IQCN: variants seen among roughly 807,000 people sequenced by gnomAD.
IQCN encodes the protein IQ domain-containing protein N.
IQCN carries 46 observed loss-of-function variants against 64.4 expected under a neutral mutation model. That is an observed-to-expected ratio of 0.71 (90% CI 0.56 to 0.91). The LOEUF is 0.91. IQCN is among the 40% of genes least tolerant of loss of function. IQCN has a pLI of 0.00. For missense variants in IQCN, 1,753 were observed against 1,857.4 expected, an observed-to-expected ratio of 0.94 and a Z score of 1.03; for synonymous variants, 733 against 775.6, an observed-to-expected ratio of 0.95 and a Z score of 0.91.
At chr19:18,271,195 C>A (rs928206394) in intron 1 of IQCN, among the ~76,000 whole-genome samples, 4 of 143,970 alleles carry the variant, frequency 2.8e-5, no homozygotes, top group African/African-American at 7.8e-5. Context: ...AAAAACCAGG[C>A]GCAGTGGCTC....
chr19:18,264,537 G>C lies in IQCN; in HGVS notation c.3003C>G (p.Ser1001Arg), dbSNP rs1056982664. The C allele has an allele frequency of 5.8e-6, 9 of 1,551,272 alleles. No homozygotes were observed. The highest frequency in any genetic ancestry group is 3.9e-5 in the Admixed American group (2 of 50,984). ...LCQGELGALL[S>R]QSWCRVALRT... is the part of the protein sequence containing the mutation. ...TCAGGGCCACCCGACACCAAGACTGGCTCAGGAGAGCACCCAGCTCACCCT... is the reference window on the plus strand; with the variant it reads ...TCAGGGCCACCCGACACCAAGACTGCCTCAGGAGAGCACCCAGCTCACCCT... Residue 1001 changes from serine to arginine, a missense_variant, in exon 3 of 4, where the codon AGC (serine) becomes AGG (arginine). Coordinates refer to ENST00000392413, the MANE Select transcript of IQCN (RefSeq NM_001145304.2). The surrounding 1 kb of genome is among the most constrained non-coding windows in gnomAD (Gnocchi z 4.3).
chr19:18,267,538 G>A lies in IQCN; in HGVS notation c.14-12C>T. On this transcript the variant is annotated splice_polypyrimidine_tract_variant and intron_variant, in intron 2 of 3. Transcript: ENST00000392413. ...CAGGTCAGCTCTGCCTGTGGGGGCGGCAGGGGGTGGTCAGGGTGTAGCAGG... is the reference window on the plus strand; with the variant it reads ...CAGGTCAGCTCTGCCTGTGGGGGCGACAGGGGGTGGTCAGGGTGTAGCAGG... 6.6e-7 allele frequency: 1 copy of A among 1,512,612 alleles called. No individual in the cohort carries two copies. The highest frequency in any genetic ancestry group is 2.3e-5 in the East Asian group (1 of 43,910). The allele number at this position is 1,512,612 out of a possible 1,614,324, so 93.7% of individuals were successfully genotyped here.
chr19:18,261,713 T>G (rs1339007395), intron 3 of IQCN: 1 of 155,380 alleles, frequency 6.4e-6, no homozygotes, highest in African/African-American at 2.4e-5. Flanking sequence ...TGACCACAGA[T>G]GGGTAGGCTG....
chr19:18,259,885 A>G (rs1482739482), intron 3 of IQCN: 2 of 152,394 alleles, frequency 1.3e-5, no homozygotes, highest in East Asian at 3.9e-4. Flanking sequence ...CCTGCCTCTA[A>G]GACCTGGGAT....
At chr19:18,268,551 G>A (rs1186523006) in intron 2 of IQCN, among the ~76,000 whole-genome samples, 3 of 152,100 alleles carry the variant, frequency 2.0e-5, no homozygotes, top group South Asian at 4.1e-4. Context: ...AAATTGGCCC[G>A]GCACGGTGGC....
chr19:18,267,602 G>A, intron 2 of IQCN, 76 bp from the exon 3 acceptor site: 3 of 1,447,482 alleles, frequency 2.1e-6, no homozygotes, highest in Non-Finnish European at 1.8e-6. Flanking sequence ...GGTGGACACT[G>A]GCCCCCCAGG....
At chr19:18,270,050 T>TTAAAAA (rs1969701129) in intron 1 of IQCN, among the ~76,000 whole-genome samples, 1 of 60,238 alleles carries the variant, frequency 1.7e-5, no homozygotes, top group East Asian at 7.0e-4. Flanking sequence ...GAACTGTCTC[T>TTAAAAA]TAAAAAAAAA....
chr19:18,264,868 T>A lies in IQCN; in HGVS notation c.2672A>T (p.Gln891Leu). The change falls in exon 3 of 4, where the codon CAG becomes CTG. Residue 891 changes from glutamine to leucine, a missense_variant. Transcript: ENST00000392413. The surrounding 1 kb of genome is among the most constrained non-coding windows in gnomAD (Gnocchi z 4.3). ...CAEVAGVLAS[Q>L]EDLRTLLAKA... ...GGCCAACAGAGTGCGGAGATCCTCCTGGGATGCCAGCACACCAGCTACTTC... is the reference window on the plus strand; with the variant it reads ...GGCCAACAGAGTGCGGAGATCCTCCAGGGATGCCAGCACACCAGCTACTTC... The A allele has an allele frequency of 6.2e-7, 1 of 1,610,268 alleles. No individual in the cohort carries two copies. The highest frequency in any genetic ancestry group is 1.1e-5 in the South Asian group (1 of 90,482).
chr19:18,269,235 T>C (rs2148110594), intron 2 of IQCN, among the ~76,000 whole-genome samples: 2 of 144,678 alleles, frequency 1.4e-5, no homozygotes, highest in South Asian at 4.7e-4. Context: ...GATGGGTGGA[T>C]GGGTGGGTGG....
chr19:18,264,852 A>G lies in IQCN; in HGVS notation c.2688T>C (p.Thr896=). 6.3e-7 allele frequency: 1 copy of G among 1,599,974 alleles called. No individual in the cohort carries two copies. The highest frequency in any genetic ancestry group is 8.5e-7 in the Non-Finnish European group (1 of 1,173,680). Residue 896 remains threonine, a synonymous_variant, in exon 3 of 4, where the codon ACT becomes ACC. Coordinates refer to ENST00000392413, the MANE Select transcript of IQCN (RefSeq NM_001145304.2). This position sits in a 1 kb window ranked among gnomAD's most constrained non-coding sequence, Gnocchi z 4.3. ...GVLASQEDLR[T]LLAKALSQGE... The stretch of plus-strand genomic sequence containing the variant: ...CCTGGGAGAGGGCTTTGGCCAACAG[A>G]GTGCGGAGATCCTCCTGGGATGCCA...
At position 18,265,415 on chromosome 19, in the gene IQCN, G is replaced by A; in HGVS notation, c.2125C>T (p.Leu709=). ...TGCATCTTGCTCAGACAGGTGTCCA[G>A]ATGGGCCAGGGATGGGGTCTTGGTC... The part of the protein sequence containing the change: ...ELTKTPSLAH[L]DTCLSKMHSQ... The change falls in exon 3 of 4, where the codon CTG becomes TTG. Residue 709 remains leucine (L), a synonymous_variant. Transcript: ENST00000392413. This position sits in a 1 kb window ranked among gnomAD's most constrained non-coding sequence, Gnocchi z 4.7. 6.2e-7 allele frequency: 1 copy of A among 1,614,222 alleles called. No homozygotes were observed. Among genetic ancestry groups the A allele is most frequent in the East Asian group, 2.2e-5 (1 of 44,886 alleles).
Position 18,265,334 on chromosome 19 carries a change from C to A in IQCN, c.2206G>T (p.Ala736Ser). The change falls in exon 3 of 4, where the codon GCC becomes TCC. Residue 736 changes from alanine to serine, a missense_variant. Physicochemically the swap from Ala to Ser is moderately conservative, Grantham distance 99. Coordinates refer to ENST00000392413, the MANE Select transcript of IQCN (RefSeq NM_001145304.2). The surrounding 1 kb of genome is among the most constrained non-coding windows in gnomAD (Gnocchi z 4.7). ...GACTGCGTCTTGGTCAGACAGGTGG[C>A]TAGAGGCGCTTGGGACTGGACCTTC... ...AVKVQSQAPL[A>S]TCLTKTQSRG... 6.2e-7 allele frequency: 1 copy of A among 1,614,128 alleles called. No homozygotes were observed. Among genetic ancestry groups the A allele is most frequent in the Non-Finnish European group, 8.5e-7 (1 of 1,180,024 alleles).
At chr19:18,262,153 G>A (rs568839998) in intron 3 of IQCN, 1 of 152,906 alleles carries the variant, frequency 6.5e-6, no homozygotes. Context: ...AGGTAGCCTG[G>A]GTTTGGGGAC....
At position 18,257,920 on chromosome 19, in the gene IQCN, C is replaced by T; in HGVS notation, c.3364G>A (p.Ala1122Thr). 1 of 1,612,852 alleles carries T rather than the reference C, an allele frequency of 6.2e-7. No individual in the cohort carries two copies. Among genetic ancestry groups the T allele is most frequent in the Non-Finnish European group, 8.5e-7 (1 of 1,179,936 alleles). ...CGCGCCAGGTAGCCACGGACGCCCGCCTGGATAGTGATCACTGCGAGGATG... is the reference window on the plus strand; with the variant it reads ...CGCGCCAGGTAGCCACGGACGCCCGTCTGGATAGTGATCACTGCGAGGATG... The part of the protein sequence containing the change: ...IRILAVITIQ[A>T]GVRGYLARRR... The change falls in exon 4 of 4, where the codon GCG becomes ACG. Residue 1122 changes from alanine to threonine, a missense_variant. Physicochemically the swap from Ala to Thr is moderately conservative, Grantham distance 58. Coordinates refer to ENST00000392413, the MANE Select transcript of IQCN (RefSeq NM_001145304.2).
chr19:18,258,714 G>A, intron 3 of IQCN: 1 of 321,808 alleles, frequency 3.1e-6, no homozygotes, highest in Non-Finnish European at 6.1e-6. Context: ...ACTGCCACGG[G>A]CCAGCTGGGG....
intron 3 of IQCN, chr19:18,261,717 T>G (rs1600120489): frequency 1.9e-5 from 3 of 154,540 alleles, no homozygotes; most frequent in Non-Finnish European, 4.3e-5. Context: ...CACAGATGGG[T>G]AGGCTGAGCT....
In IQCN at chr19:18,264,696, C is replaced by T; in HGVS notation, c.2844G>A (p.Leu948=). ...CCCGGGACAGGGCTCGGGACAGGGT[C>T]AGGCGCAGCTCACTCCAGGACAGCG... is the stretch of plus-strand genomic sequence containing the variant. ...VKALSWSELR[L]TLSRALSRGE... Residue 948 remains leucine, a synonymous_variant, in exon 3 of 4, where the codon CTG becomes CTA. Transcript: ENST00000392413. The surrounding 1 kb of genome is among the most constrained non-coding windows in gnomAD (Gnocchi z 4.3). 6.4e-7 allele frequency: 1 copy of T among 1,551,244 alleles called. No homozygotes were observed. The highest frequency in any genetic ancestry group is 8.7e-7 in the Non-Finnish European group (1 of 1,146,988).
intron 2 of IQCN, among the ~76,000 whole-genome samples, chr19:18,268,370 G>A (rs1410813692): frequency 6.6e-6 from 1 of 151,878 alleles, no homozygotes; most frequent in East Asian, 1.9e-4. Context: ...GGTGGGGGGG[G>A]CATCTTGACT....
At chr19:18,258,216 G>A in intron 3 of IQCN, 110 bp from the exon 4 acceptor site, 2 of 1,211,070 alleles carry the variant, frequency 1.7e-6, no homozygotes, top group Non-Finnish European at 2.4e-6. Flanking sequence ...GGGTGGCAGG[G>A]AACCACTTGG....
Sources: allele counts gnomAD v4.1 joint callset (sites outside exome capture counted in the v4.1 genomes callset), GRCh38; gene constraint gnomAD v4.1.1; non-coding constraint Gnocchi (gnomAD v3.1); transcripts MANE v1.5; gene names NCBI Gene and HGNC (gene_info 2026-07-23, HGNC 2026-07-21).